Variants in ZNF701 observed in about 807,000 individuals in gnomAD.
ZNF701 encodes the protein zinc finger protein 701.
Under a neutral mutation model 7.1 loss-of-function variants are expected in ZNF701, and 6 were observed. The observed-to-expected ratio is 0.84, with a 90% CI of 0.46 to 1.66. ZNF701 has a LOEUF of 1.66. Ranked by LOEUF, ZNF701 falls within the 40% of genes most tolerant of loss-of-function variation. ZNF701 has a pLI of 0.01. For missense variants in ZNF701, 541 were observed against 559.2 expected, an observed-to-expected ratio of 0.97 and a Z score of 0.33; for synonymous variants, 166 against 188.2, an observed-to-expected ratio of 0.88 and a Z score of 0.97.
At chr19:52,571,233 T>TGA (rs3837922) in intron 1 of ZNF701, among the ~76,000 whole-genome samples, 39,241 of 141,980 alleles carry the variant, frequency 0.28, 5,672 homozygotes, top group East Asian at 0.62. Context: ...CTCATCAGAG[T>TGA]GAGAGAGAGA....
intron 3 of ZNF701, among the ~76,000 whole-genome samples, 193 bp from the exon 4 acceptor site, chr19:52,582,009 A>G (rs2059978471): frequency 6.6e-6 from 1 of 152,240 alleles, no homozygotes. Context: ...ATAGGCTTCC[A>G]TAAAAATGAT....
intron 2 of ZNF701, among the ~76,000 whole-genome samples, chr19:52,574,773 C>T (rs759538132): frequency 3.9e-5 from 6 of 152,060 alleles, no homozygotes; most frequent in Non-Finnish European, 5.9e-5. Context: ...ATTTATTAAA[C>T]CATTCTTAGC....
the ZNF701 span, among the ~76,000 whole-genome samples, chr19:52,599,615 G>A: frequency 0.055 from 8,402 of 152,258 alleles, 311 homozygotes; most frequent in Middle Eastern, 0.095. Context: ...AAAACGTGGT[G>A]ATTCTGCTAA....
chr19:52,582,225 A>G lies in ZNF701; in HGVS notation c.166A>G (p.Lys56Glu). ...AGATACCTCTTCCAAATGCATGATG[A>G]AGATGTTCTCATCAACAGGACAAGG... ...SLDTSSKCMM[K>E]MFSSTGQGNT... is the part of the protein sequence containing the mutation. The change falls in exon 4 of 4, where the codon AAG becomes GAG. Residue 56 changes from lysine to glutamate, a missense_variant. Coordinates refer to ENST00000391785, the MANE Select transcript of ZNF701 (RefSeq NM_018260.3). 1 of 1,585,710 alleles carries G rather than the reference A, an allele frequency of 6.3e-7. No homozygotes were observed. The highest frequency in any genetic ancestry group is 8.6e-7 in the Non-Finnish European group (1 of 1,167,140).
chr19:52,588,992 C>T (rs1340254156), downstream of ZNF701, among the ~76,000 whole-genome samples: 1 of 152,296 alleles, frequency 6.6e-6, no homozygotes, highest in African/African-American at 2.4e-5. Context: ...ATCTCCTTGA[C>T]GGTTTTTCAC....
chr19:52,577,354 C>T (rs1362036049), intron 3 of ZNF701, among the ~76,000 whole-genome samples: 1 of 152,116 alleles, frequency 6.6e-6, no homozygotes, highest in Non-Finnish European at 1.5e-5. Flanking sequence ...CCTGCCTTGG[C>T]TTCCCAAAGT....
Position 52,583,932 on chromosome 19 carries a change from G to C in ZNF701, c.*475G>C. On this transcript the variant is annotated 3_prime_UTR_variant, in exon 4 of 4. Transcript: ENST00000391785. The stretch of plus-strand genomic sequence containing the variant: ...CATTCATAACTTGCAGTTCATTGGC[G>C]ATCTTATACAGGAGAGAAATCTTAC... 1 of 389,204 alleles carries C rather than the reference G, an allele frequency of 2.6e-6. No homozygotes were observed. Among genetic ancestry groups the C allele is most frequent in the East Asian group, 6.7e-5 (1 of 14,828 alleles). 24.1% of individuals were successfully genotyped at this position (389,204 alleles called of 1,614,324 possible).
At position 52,583,050 on chromosome 19, in the gene ZNF701, T is replaced by C. The variant is rs781689324; in HGVS notation, c.991T>C (p.Cys331Arg). 5 of 1,613,674 alleles carry C rather than the reference T, an allele frequency of 3.1e-6. No homozygotes were observed. The Admixed American group carries it at 5.0e-5, about 16-fold the overall frequency. Residue 331 changes from cysteine to arginine, a missense_variant, in exon 4 of 4, where the codon TGT becomes CGT. Cys to Arg is a radical substitution (Grantham distance 180). Coordinates refer to ENST00000391785, the MANE Select transcript of ZNF701 (RefSeq NM_018260.3). ...AGAGAAACCTTACAAATGTGAAGAA[T>C]GTGACAAAGTTTTCAGTCGCAAATC... ...TGEKPYKCEECDKVFSRKSHL... is the reference protein window; with the variant it reads ...TGEKPYKCEERDKVFSRKSHL...
intron 1 of ZNF701, among the ~76,000 whole-genome samples, chr19:52,573,446 A>G (rs927319980): frequency 2.2e-4 from 34 of 152,140 alleles, no homozygotes; most frequent in African/African-American, 7.5e-4. Context: ...CATGTTGGCC[A>G]GGCTGCTGTT....
the ZNF701 span, chr19:52,596,965 T>G: frequency 6.6e-6 from 5 of 759,694 alleles, no homozygotes; most frequent in Middle Eastern, 2.6e-4. Context: ...AAGTCGTCAC[T>G]TTTTTATCAT....
the ZNF701 span, chr19:52,595,631 T>C: frequency 1.7e-6 from 2 of 1,168,032 alleles, no homozygotes; most frequent in East Asian, 5.0e-5. Context: ...CTCTTTAAAA[T>C]CCATGATGGA....
downstream of ZNF701, among the ~76,000 whole-genome samples, chr19:52,591,803 GC>G (rs2060038067): frequency 6.6e-6 from 1 of 152,302 alleles, no homozygotes; most frequent in South Asian, 2.1e-4. Flanking sequence ...TGATCCACCT[GC>G]CTTGGCCTCC....
the ZNF701 span, chr19:52,597,149 A>C: frequency 3.0e-6 from 2 of 675,772 alleles, no homozygotes; most frequent in Non-Finnish European, 5.3e-6. Context: ...TTTATCAGCG[A>C]ACTCATACTG....
chr19:52,582,877 AT>A lies in ZNF701; in HGVS notation c.819del (p.Asn273LysfsTer14). 6.2e-7 allele frequency: 1 copy of A among 1,613,202 alleles called. No individual in the cohort carries two copies. The highest frequency in any genetic ancestry group is 1.1e-5 in the South Asian group (1 of 91,016). On this transcript the variant is annotated frameshift_variant, in exon 4 of 4. Transcript: ENST00000391785. LOFTEE classifies it low-confidence loss of function (END_TRUNC). ...CHTGENPYTCNECGKTFSHNS... is the reference protein window; with the variant it reads ...CHTGENPYTCXECGKTFSHNS... ...ACTGGTGAGAATCCTTACACGTGTA[AT>A]GAGTGTGGCAAGACATTCAGTCACA...
At chr19:52,575,428 AGT>A (rs2059927976) in intron 2 of ZNF701, among the ~76,000 whole-genome samples, 2 of 148,988 alleles carry the variant, frequency 1.3e-5, no homozygotes, top group African/African-American at 5.1e-5. Flanking sequence ...GTTTTTTGTG[AGT>A]GTGTGTAGGT....
At chr19:52,587,482 T>G (rs983151710), downstream of ZNF701, among the ~76,000 whole-genome samples, 15 of 152,284 alleles carry the variant, frequency 9.9e-5, 1 homozygote, top group Admixed American at 5.2e-4. Context: ...ACAAGCAGCC[T>G]TTCTTCCCTA....
At chr19:52,579,050 C>T (rs2059957843) in intron 3 of ZNF701, among the ~76,000 whole-genome samples, 1 of 126,624 alleles carries the variant, frequency 7.9e-6, no homozygotes, top group African/African-American at 4.5e-5. Flanking sequence ...CCCGCCGTGC[C>T]CATTTCTTTC....
the ZNF701 span, chr19:52,592,301 C>T: frequency 7.0e-7 from 1 of 1,422,096 alleles, no homozygotes; most frequent in Non-Finnish European, 9.7e-7. Flanking sequence ...TTTGTATTCT[C>T]TTTTGTGATG....
chr19:52,594,609 GTTCAAGCGA>G, the ZNF701 span, among the ~76,000 whole-genome samples: 1 of 151,938 alleles, frequency 6.6e-6, no homozygotes, highest in Non-Finnish European at 1.5e-5. Context: ...CACCTCCCAG[GTTCAAGCGA>G]TTCTCCTGCT....
Sources: allele counts gnomAD v4.1 joint callset (sites outside exome capture counted in the v4.1 genomes callset), GRCh38; gene constraint gnomAD v4.1.1; transcripts MANE v1.5; gene names NCBI Gene and HGNC (gene_info 2026-07-23, HGNC 2026-07-21).